Variants in LIPE observed in about 807,000 individuals in gnomAD.
The protein encoded by LIPE is lipase E, hormone sensitive type, also known as hormone-sensitive lipase.
A neutral mutation model predicts 88.5 loss-of-function variants in LIPE; 66 were observed. The ratio of observed to expected loss-of-function variants is 0.75; its 90% confidence interval spans 0.61 to 0.91. The LOEUF (loss-of-function observed/expected upper bound fraction) is 0.91. LIPE is among the 40% of genes least tolerant of loss of function. The pLI, the probability that LIPE is intolerant of heterozygous loss-of-function variation, is 0.00. For synonymous variants in LIPE, 570 were observed against 617.5 expected (o/e 0.92, Z 1.14); for missense variants, 1,346 against 1,434.7 (o/e 0.94, Z 1.00).
rs371381700 is a variant in LIPE at position 42,407,563 on chromosome 19, T to G, written c.1842+43A>C. 3.2e-6 allele frequency: 5 copies of G among 1,580,022 alleles called. No individual in the cohort carries two copies. The highest frequency in any genetic ancestry group is 4.3e-6 in the Non-Finnish European group (5 of 1,160,616). On this transcript the variant is annotated intron_variant, in intron 5 of 9. Transcript: ENST00000244289. This position sits in a 1 kb window ranked among gnomAD's most constrained non-coding sequence, Gnocchi z 5.8. Reference sequence around the variant, plus strand: ...ATGCCAAGGTGGGGGCTGCCCACGCTCCTCGGCTCTGTCCCTGTCCCTGGC... The same window carrying G: ...ATGCCAAGGTGGGGGCTGCCCACGCGCCTCGGCTCTGTCCCTGTCCCTGGC...
Position 42,414,644 on chromosome 19 carries a change from C to T in LIPE, c.884-3802G>A, listed in dbSNP as rs1420046912. Reference sequence around the variant, plus strand: ...TTACAAATTGAAGGTTTGTGGCAACCCTGCGTCAAACCAGTCTGTTGGCAC... The same window carrying T: ...TTACAAATTGAAGGTTTGTGGCAACTCTGCGTCAAACCAGTCTGTTGGCAC... On this transcript the variant is annotated intron_variant, in intron 1 of 9. Coordinates refer to ENST00000244289, the MANE Select transcript of LIPE (RefSeq NM_005357.4). The surrounding 1 kb of genome is among the most constrained non-coding windows in gnomAD (Gnocchi z 4.6). Among the ~76,000 whole-genome samples the T allele has an allele frequency of 6.6e-6, 1 of 152,232 alleles. No individual in the cohort carries two copies. The highest frequency in any genetic ancestry group is 2.4e-5 in the African/African-American group (1 of 41,458).
intron 9 of LIPE, 100 bp downstream of exon 9, chr19:42,402,507 G>A (rs2090204603): frequency 1.9e-6 from 2 of 1,079,336 alleles, no homozygotes; most frequent in Non-Finnish European, 2.5e-6. Flanking sequence ...TCCCCACTCC[G>A]GAGCTCTTTT....
chr19:42,403,445 G>GTTTT (rs1231529110), intron 8 of LIPE, among the ~76,000 whole-genome samples: 37 of 148,268 alleles, frequency 2.5e-4, no homozygotes, highest in African/African-American at 8.9e-4. Context: ...ATAATATATC[G>GTTTT]TTTTTTGTTT....
intron 1 of LIPE, among the ~76,000 whole-genome samples, chr19:42,419,449 T>A (rs1353438260): frequency 6.6e-6 from 1 of 152,104 alleles, no homozygotes; most frequent in African/African-American, 2.4e-5. Context: ...TGGGTGGAGC[T>A]GGCAGGAAGG....
chr19:42,419,971 C>G (rs1040714071), intron 1 of LIPE, among the ~76,000 whole-genome samples: 1 of 151,494 alleles, frequency 6.6e-6, no homozygotes, highest in South Asian at 2.1e-4. Context: ...TCAAGCAATC[C>G]TCCTGCCTTG....
chr19:42,420,252 C>T (rs924912500), intron 1 of LIPE, among the ~76,000 whole-genome samples: 8 of 152,082 alleles, frequency 5.3e-5, no homozygotes, highest in Non-Finnish European at 1.2e-4. Context: ...CTCCCTCTGT[C>T]TGTGCTTCAA....
chr19:42,405,320 T>G, intron 8 of LIPE, 65 bp downstream of exon 8: 1 of 1,521,174 alleles, frequency 6.6e-7, no homozygotes, highest in Non-Finnish European at 8.9e-7. Flanking sequence ...CCTGGGACTT[T>G]TGCTGTGCTA....
At chr19:42,418,963 A>C (rs1049212541) in intron 1 of LIPE, among the ~76,000 whole-genome samples, 1 of 152,138 alleles carries the variant, frequency 6.6e-6, no homozygotes, top group Admixed American at 6.5e-5. Flanking sequence ...GGTAGCATCC[A>C]TGCCGGTAGG....
At position 42,407,883 on chromosome 19, in the gene LIPE, G is replaced by T; in HGVS notation, c.1657-92C>A. Reference sequence around the variant, plus strand: ...TCTGATCCCCAGTCTTTCCCCTTGTGTGCCATCCCTGGGCCTGGAGCCCCA... The same window carrying T: ...TCTGATCCCCAGTCTTTCCCCTTGTTTGCCATCCCTGGGCCTGGAGCCCCA... On this transcript the variant is annotated intron_variant, in intron 4 of 9. Coordinates refer to ENST00000244289, the MANE Select transcript of LIPE (RefSeq NM_005357.4). This position sits in a 1 kb window ranked among gnomAD's most constrained non-coding sequence, Gnocchi z 5.8. 1 of 1,562,286 alleles carries T rather than the reference G, an allele frequency of 6.4e-7. No homozygotes were observed. Among genetic ancestry groups the T allele is most frequent in the Non-Finnish European group, 8.7e-7 (1 of 1,155,060 alleles).
intron 1 of LIPE, chr19:42,412,602 T>C: frequency 1.0e-6 from 1 of 983,384 alleles, no homozygotes. Context: ...GGTAGTCCTG[T>C]TACAGGCTCC....
rs2040723186 is a variant in LIPE at position 42,427,120 on chromosome 19, C to T, written c.30G>A (p.Arg10=). ...GGTGTGGTTCAGGTTGCCAGTCTGA[C>T]CTAGACACTGACTTAGAACCTGGCT... MEPGSKSVS[R]SDWQPEPHQR... Residue 10 remains arginine (R), a synonymous_variant, in exon 1 of 10, where the codon AGG becomes AGA. Transcript: ENST00000244289. 6.2e-7 allele frequency: 1 copy of T among 1,606,262 alleles called. No individual in the cohort carries two copies. The highest frequency in any genetic ancestry group is 1.3e-5 in the African/African-American group (1 of 74,210).
rs921248897 is a variant in LIPE, at chr19:42,408,695, G to A, written c.1420-373C>T. Among the ~76,000 whole-genome samples, 1 of 151,886 alleles carries A rather than the reference G, an allele frequency of 6.6e-6. No homozygotes were observed. The highest frequency in any genetic ancestry group is 2.4e-5 in the African/African-American group (1 of 41,350). Reference sequence around the variant, plus strand: ...TCCCTGCACAGGGAACAGAGAGCATGAAGGCTTAAAGGTGAGCTCATAGGA... The same window carrying A: ...TCCCTGCACAGGGAACAGAGAGCATAAAGGCTTAAAGGTGAGCTCATAGGA... On this transcript the variant is annotated intron_variant, in intron 2 of 9. Coordinates refer to ENST00000244289, the MANE Select transcript of LIPE (RefSeq NM_005357.4). The surrounding 1 kb of genome is among the most constrained non-coding windows in gnomAD (Gnocchi z 4.3).
At chr19:42,422,460 T>C (rs542811020) in intron 1 of LIPE, among the ~76,000 whole-genome samples, 1 of 152,344 alleles carries the variant, frequency 6.6e-6, no homozygotes, top group South Asian at 2.1e-4. Context: ...CCAGTCCGTC[T>C]GCCCTCTGAG....
rs376903518 is a variant in LIPE at position 42,408,046 on chromosome 19, C to T, written c.1586G>A (p.Arg529Gln). 29 of 1,613,760 alleles carry T rather than the reference C, an allele frequency of 1.8e-5. No individual in the cohort carries two copies. The highest frequency in any genetic ancestry group is 5.5e-5 in the South Asian group (5 of 91,082). ...DPELRGAEFE[R>Q]ITQNLDVHFW... ...GTGCACGTCCAGGTTCTGTGTGATC[C>T]GCTCAAACTCAGCCCCACGCAGCTC... The change falls in exon 4 of 10, where the codon CGG becomes CAG. Residue 529 changes from arginine (R) to glutamine (Q), a missense_variant. Transcript: ENST00000244289. The surrounding 1 kb of genome is among the most constrained non-coding windows in gnomAD (Gnocchi z 4.3).
rs758332784 is a variant in LIPE at position 42,410,817 on chromosome 19, G to A, written c.909C>T (p.Asp303=). 2.0e-5 allele frequency: 32 copies of A among 1,570,496 alleles called. No individual in the cohort carries two copies. In the Middle Eastern group the frequency reaches 3.4e-3, roughly 167 times the overall value. ...CCAGCGACTGTGTCATTGTGCGCAG[G>A]TCCATGTTGTGGATGAGCCTTGAGG... The part of the protein sequence containing the change: ...DTASRLIHNM[D]LRTMTQSLVT... Residue 303 remains aspartate (D), a synonymous_variant, in exon 2 of 10, where the codon GAC becomes GAT. Coordinates refer to ENST00000244289, the MANE Select transcript of LIPE (RefSeq NM_005357.4). This position sits in a 1 kb window ranked among gnomAD's most constrained non-coding sequence, Gnocchi z 6.1.
In LIPE at chr19:42,423,311, G is replaced by A. The variant is rs1344394543; in HGVS notation, c.883+2956C>T. On this transcript the variant is annotated intron_variant, in intron 1 of 9. Transcript: ENST00000244289. ...CCCGCAAGCGGCAATGGGCCAGTCCGCGGACCCCCCCAACTCCCTGTGGCA... is the reference window on the plus strand; with the variant it reads ...CCCGCAAGCGGCAATGGGCCAGTCCACGGACCCCCCCAACTCCCTGTGGCA... 4.3e-5 allele frequency: 36 copies of A among 841,008 alleles called. 1 individual carries two copies. Among genetic ancestry groups the A allele is most frequent in the Middle Eastern group, 5.7e-4 (2 of 3,502 alleles). The allele number at this position is 841,008 out of a possible 1,614,324, so 52.1% of individuals were successfully genotyped here.
In LIPE at chr19:42,414,273, AAAAGAAAGGAAAG is replaced by A. The variant is rs1400616285; in HGVS notation, c.884-3444_884-3432del. Reference sequence around the variant, plus strand: ...TGGCGATAAAGCGAGACTCTGTCAGAAAAGAAAGGAAAGAAAGAAAGGAAAGGAAGGAAAGAAA... The same window carrying A: ...TGGCGATAAAGCGAGACTCTGTCAGAAAAGAAAGGAAAGGAAGGAAAGAAA... On this transcript the variant is annotated intron_variant, in intron 1 of 9. Transcript: ENST00000244289. The surrounding 1 kb of genome is among the most constrained non-coding windows in gnomAD (Gnocchi z 4.6). 1.0e-4 allele frequency among the ~76,000 whole-genome samples: 15 copies of A among 144,526 alleles called. No homozygotes were observed. Among genetic ancestry groups the A allele is most frequent in the South Asian group, 2.1e-4 (1 of 4,802 alleles). 94.8% of individuals were successfully genotyped at this position (144,526 alleles called of 152,430 possible).
chr19:42,412,679 C>G, intron 1 of LIPE: 10 of 504,924 alleles, frequency 2.0e-5, no homozygotes, highest in Non-Finnish European at 2.6e-5. Context: ...GTCCAGGCCC[C>G]CAGCCCCTTC....
At position 42,401,585 on chromosome 19, in the gene LIPE, G is replaced by A. The variant is rs186606298; in HGVS notation, c.*227C>T. On this transcript the variant is annotated 3_prime_UTR_variant, in exon 10 of 10. Coordinates refer to ENST00000244289, the MANE Select transcript of LIPE (RefSeq NM_005357.4). Reference sequence around the variant, plus strand: ...AGGGCCAGTCCCCGTCCCTGCGGCGGTCGCCGCAGCAGCAGCAGCAAAAGG... The same window carrying A: ...AGGGCCAGTCCCCGTCCCTGCGGCGATCGCCGCAGCAGCAGCAGCAAAAGG... 1.6e-5 allele frequency: 8 copies of A among 504,828 alleles called. No individual in the cohort carries two copies. The highest frequency in any genetic ancestry group is 5.9e-5 in the South Asian group (2 of 34,000). The allele number at this position is 504,828 out of a possible 1,614,324, so 31.3% of individuals were successfully genotyped here.
Sources: allele counts gnomAD v4.1 joint callset (sites outside exome capture counted in the v4.1 genomes callset), GRCh38; gene constraint gnomAD v4.1.1; non-coding constraint Gnocchi (gnomAD v3.1); transcripts MANE v1.5; gene names NCBI Gene and HGNC (gene_info 2026-07-23, HGNC 2026-07-21).